Variants in SLC10A7 observed in about 807,000 individuals in gnomAD.
SLC10A7 encodes solute carrier family 10 member 7, also known as sodium/bile acid cotransporter 7.
In SLC10A7, 29 loss-of-function variants were observed where a neutral mutation model predicts 43.2. The ratio of observed to expected loss-of-function variants is 0.67; its 90% CI spans 0.50 to 0.92. The LOEUF is 0.92. Among genes scored for constraint, SLC10A7 ranks in the 40% least tolerant of loss-of-function variants. SLC10A7 has a pLI of 0.00. For missense variants in SLC10A7, 295 were observed against 403.2 expected (o/e 0.73, Z 2.30); for synonymous variants, 152 against 144.8 (o/e 1.05, Z -0.35).
chr4:146,455,391 A>G (rs1320929191), intron 4 of SLC10A7, among the ~76,000 whole-genome samples: 1 of 151,876 alleles, frequency 6.6e-6, no homozygotes, highest in Non-Finnish European at 1.5e-5. Flanking sequence ...ATTGGCCAAG[A>G]ATTCCCCTAA....
chr4:146,431,517 T>A (rs1729775441), intron 5 of SLC10A7, among the ~76,000 whole-genome samples: 1 of 151,994 alleles, frequency 6.6e-6, no homozygotes. Context: ...TTCATACGTA[T>A]AAAGGCAATG....
chr4:146,413,627 A>G (rs1560885216), intron 5 of SLC10A7, among the ~76,000 whole-genome samples: 1 of 152,232 alleles, frequency 6.6e-6, no homozygotes, highest in Admixed American at 6.5e-5. Flanking sequence ...TTATGAAAAT[A>G]TTAAACAGTA....
intron 5 of SLC10A7, among the ~76,000 whole-genome samples, chr4:146,381,281 G>C (rs149802873): frequency 1.4e-3 from 219 of 152,216 alleles, no homozygotes; most frequent in African/African-American, 5.0e-3. Context: ...TTAAGTTGGG[G>C]CGGAAATATA....
intron 6 of SLC10A7, among the ~76,000 whole-genome samples, chr4:146,307,955 C>T (rs901954384): frequency 3.9e-5 from 6 of 152,186 alleles, no homozygotes; most frequent in Non-Finnish European, 5.9e-5. Flanking sequence ...CTCCATCCTT[C>T]GCATACCAGA....
chr4:146,473,800 C>T (rs1029194830), intron 4 of SLC10A7, among the ~76,000 whole-genome samples: 3 of 152,046 alleles, frequency 2.0e-5, no homozygotes, highest in African/African-American at 7.2e-5. Flanking sequence ...AACAAAAGTA[C>T]ATTTTCCTAA....
chr4:146,258,929 G>C, intron 10 of SLC10A7, 92 bp from the exon 11 acceptor site: 1 of 1,349,876 alleles, frequency 7.4e-7, no homozygotes, highest in Non-Finnish European at 1.0e-6. Flanking sequence ...TTTGGAATAG[G>C]TTATTACCAT....
chr4:146,379,626 T>A (rs1737456475), intron 5 of SLC10A7, among the ~76,000 whole-genome samples: 1 of 152,128 alleles, frequency 6.6e-6, no homozygotes, highest in African/African-American at 2.4e-5. Flanking sequence ...AAAACCCCAA[T>A]CTTGATAACT....
intron 6 of SLC10A7, among the ~76,000 whole-genome samples, chr4:146,315,131 G>A (rs943417026): frequency 1.3e-5 from 2 of 152,096 alleles, no homozygotes; most frequent in Non-Finnish European, 2.9e-5. Flanking sequence ...TGCACAACTT[G>A]TAGAGAACAG....
intron 5 of SLC10A7, among the ~76,000 whole-genome samples, chr4:146,407,236 T>C (rs937367584): frequency 9.2e-5 from 14 of 152,198 alleles, no homozygotes; most frequent in African/African-American, 3.4e-4. Context: ...TGAGGTATAA[T>C]TGATATACAA....
intron 4 of SLC10A7, among the ~76,000 whole-genome samples, chr4:146,449,735 T>A (rs57121794): frequency 0.042 from 6,337 of 152,236 alleles, 192 homozygotes; most frequent in South Asian, 0.15. Context: ...CTCTTCTCCA[T>A]GGGCCCTATT....
intron 5 of SLC10A7, among the ~76,000 whole-genome samples, chr4:146,359,251 T>C (rs1018000315): frequency 6.6e-6 from 1 of 152,154 alleles, no homozygotes; most frequent in Non-Finnish European, 1.5e-5. Context: ...GTAAGAGTTA[T>C]TTACATAGTT....
rs1212071420 is a variant in SLC10A7 at position 146,264,198 on chromosome 4, C to T, written c.848-5361G>A. Among the ~76,000 whole-genome samples the T allele has an allele frequency of 5.3e-5, 8 of 152,036 alleles. 1 individual carries two copies. Among genetic ancestry groups the T allele is most frequent in the Non-Finnish European group, 5.9e-5 (4 of 67,966 alleles). ...ATATGTACAAGAACAAGTTTTTTTT[C>T]TATTTTAAATATGTTTATTTTATGT... On this transcript the variant is annotated intron_variant, in intron 10 of 11. Transcript: ENST00000335472.
intron 5 of SLC10A7, among the ~76,000 whole-genome samples, chr4:146,408,373 A>C (rs1005258457): frequency 1.3e-5 from 2 of 152,064 alleles, no homozygotes; most frequent in Non-Finnish European, 2.9e-5. Context: ...AACATGGTGA[A>C]ACTCTGTCTC....
At chr4:146,456,358 T>A (rs1732050105) in intron 4 of SLC10A7, among the ~76,000 whole-genome samples, 1 of 151,928 alleles carries the variant, frequency 6.6e-6, no homozygotes, top group Non-Finnish European at 1.5e-5. Flanking sequence ...TGTACTGGAA[T>A]ACAATTCTGG....
chr4:146,414,663 C>T (rs968881789), intron 5 of SLC10A7, among the ~76,000 whole-genome samples: 3 of 151,376 alleles, frequency 2.0e-5, no homozygotes, highest in Non-Finnish European at 4.4e-5. Flanking sequence ...ACGGAGGTTG[C>T]AGTGGGCCGA....
chr4:146,343,714 C>T (rs1477448301), intron 5 of SLC10A7, among the ~76,000 whole-genome samples: 1 of 151,164 alleles, frequency 6.6e-6, no homozygotes, highest in Admixed American at 6.6e-5. Flanking sequence ...TTGTGAAGTA[C>T]AATAATAAAG....
At chr4:146,285,744 T>C (rs1729852494) in intron 9 of SLC10A7, among the ~76,000 whole-genome samples, 1 of 152,210 alleles carries the variant, frequency 6.6e-6, no homozygotes, top group African/African-American at 2.4e-5. Context: ...TGCTGATGTA[T>C]GCTAGATTTG....
intron 5 of SLC10A7, among the ~76,000 whole-genome samples, chr4:146,404,409 AT>A (rs969517427): frequency 4.6e-5 from 7 of 151,508 alleles, no homozygotes; most frequent in African/African-American, 1.5e-4. Context: ...GATGGAAAAT[AT>A]TTTTATTTGC....
chr4:146,354,553 G>C (rs1212407798), intron 5 of SLC10A7, among the ~76,000 whole-genome samples: 1 of 147,488 alleles, frequency 6.8e-6, no homozygotes, highest in Non-Finnish European at 1.5e-5. Flanking sequence ...AAGTTCATAT[G>C]GAACCAAAAA....
Sources: allele counts gnomAD v4.1 joint callset (sites outside exome capture counted in the v4.1 genomes callset), GRCh38; gene constraint gnomAD v4.1.1; transcripts MANE v1.5; gene names NCBI Gene and HGNC (gene_info 2026-07-23, HGNC 2026-07-21).